Variants in ZFPM2 observed in about 807,000 individuals in gnomAD.
The protein encoded by ZFPM2 is zinc finger protein, FOG family member 2, also known as zinc finger protein ZFPM2.
Under a neutral mutation model 98.6 loss-of-function variants are expected in ZFPM2, and 20 were observed. The ratio of observed to expected loss-of-function variants is 0.20; its 90% CI spans 0.14 to 0.29. The LOEUF (loss-of-function observed/expected upper bound fraction) is 0.29. Among genes scored for constraint, ZFPM2 ranks in the 10% least tolerant of loss-of-function variants. The pLI is 1.00. For synonymous variants in ZFPM2, 518 were observed against 502.7 expected (o/e 1.03, Z -0.41); for missense variants, 1,310 against 1,388.6 (o/e 0.94, Z 0.90).
chr8:105,723,720 A>G (rs1422274750), intron 5 of ZFPM2, among the ~76,000 whole-genome samples: 1 of 151,824 alleles, frequency 6.6e-6, no homozygotes, highest in Admixed American at 6.6e-5. Flanking sequence ...AGATAAGGGC[A>G]GTCGTGATCA....
At chr8:105,773,320 A>T (rs1169633140) in intron 5 of ZFPM2, among the ~76,000 whole-genome samples, 2 of 152,120 alleles carry the variant, frequency 1.3e-5, no homozygotes, top group Non-Finnish European at 2.9e-5. Flanking sequence ...ATAATAATTC[A>T]AAATTTGCCT....
chr8:105,684,512 G>T (rs1810687490), intron 5 of ZFPM2, among the ~76,000 whole-genome samples: 2 of 152,066 alleles, frequency 1.3e-5, no homozygotes, highest in Admixed American at 6.6e-5. Flanking sequence ...CTGCAATTTG[G>T]TTGAAATTAA....
At chr8:105,625,412 A>G (rs1245707496) in intron 4 of ZFPM2, among the ~76,000 whole-genome samples, 1 of 152,076 alleles carries the variant, frequency 6.6e-6, no homozygotes, top group Non-Finnish European at 1.5e-5. Context: ...ACACACATGC[A>G]CACTTTGCAA....
intron 4 of ZFPM2, among the ~76,000 whole-genome samples, chr8:105,595,583 T>C (rs1350351375): frequency 6.6e-6 from 1 of 152,034 alleles, no homozygotes; most frequent in Non-Finnish European, 1.5e-5. Flanking sequence ...TACAAAGTCA[T>C]GAAAGCATGA....
intron 5 of ZFPM2, among the ~76,000 whole-genome samples, chr8:105,656,521 T>G (rs1319085236): frequency 1.3e-5 from 2 of 152,142 alleles, no homozygotes; most frequent in Non-Finnish European, 2.9e-5. Flanking sequence ...GCAGGAAATG[T>G]TTAAGAAAAC....
chr8:105,618,506 G>C (rs2130811592), intron 4 of ZFPM2, among the ~76,000 whole-genome samples: 1 of 152,140 alleles, frequency 6.6e-6, no homozygotes, highest in Middle Eastern at 3.4e-3. Flanking sequence ...TCATATATTA[G>C]AGCAATGTGT....
chr8:105,667,393 A>G (rs1021370390), intron 5 of ZFPM2, among the ~76,000 whole-genome samples: 4 of 152,240 alleles, frequency 2.6e-5, no homozygotes, highest in Admixed American at 6.5e-5. Context: ...CAAATGATCA[A>G]TGAATGACAC....
chr8:105,785,288 T>C (rs1461618334), intron 5 of ZFPM2: 2 of 152,144 alleles, frequency 1.3e-5, no homozygotes, highest in African/African-American at 4.8e-5. Context: ...TCATTATTTC[T>C]GTGCATACAC....
chr8:105,715,129 AG>A (rs1811488144), intron 5 of ZFPM2, among the ~76,000 whole-genome samples: 1 of 152,016 alleles, frequency 6.6e-6, no homozygotes, highest in African/African-American at 2.4e-5. Context: ...ACCAGGTACA[AG>A]GGCTCATGCC....
intron 1 of ZFPM2, among the ~76,000 whole-genome samples, chr8:105,394,463 T>A (rs529397803): frequency 6.6e-6 from 1 of 152,178 alleles, no homozygotes; most frequent in African/African-American, 2.4e-5. Context: ...ACCTGGAAAT[T>A]GAGAGTGTTT....
At chr8:105,783,192 C>T (rs1050163111) in intron 5 of ZFPM2, among the ~76,000 whole-genome samples, 27 of 147,458 alleles carry the variant, frequency 1.8e-4, no homozygotes, top group African/African-American at 6.7e-4. Context: ...AAGATCTTAT[C>T]CCTTGTGTTT....
At chr8:105,790,866 G>A (rs373760799) in intron 6 of ZFPM2, among the ~76,000 whole-genome samples, 4 of 152,070 alleles carry the variant, frequency 2.6e-5, no homozygotes, top group Non-Finnish European at 4.4e-5. Flanking sequence ...ATTGTGAATG[G>A]GAGTTCACTC....
chr8:105,673,329 CAATT>C (rs1817632432), intron 5 of ZFPM2, among the ~76,000 whole-genome samples: 1 of 149,816 alleles, frequency 6.7e-6, no homozygotes, highest in African/African-American at 2.5e-5. Context: ...TCTTAGTAAA[CAATT>C]AAATTAAAAA....
intron 5 of ZFPM2, among the ~76,000 whole-genome samples, chr8:105,752,018 GGT>G (rs1196155592): frequency 6.6e-6 from 1 of 151,994 alleles, no homozygotes; most frequent in Admixed American, 6.6e-5. Context: ...CTTTGTGTGT[GGT>G]TTTGCTCATA....
intron 1 of ZFPM2, among the ~76,000 whole-genome samples, chr8:105,358,980 G>A (rs1812802781): frequency 6.6e-6 from 1 of 152,110 alleles, no homozygotes; most frequent in Non-Finnish European, 1.5e-5. Flanking sequence ...GAGCTTGTCT[G>A]TGGAACCCCA....
At chr8:105,635,535 T>G (rs1816831025) in intron 5 of ZFPM2, among the ~76,000 whole-genome samples, 2 of 152,064 alleles carry the variant, frequency 1.3e-5, no homozygotes, top group South Asian at 2.1e-4. Flanking sequence ...CCATACCCAC[T>G]AATTTTCTAA....
chr8:105,366,560 G>A (rs901657416), intron 1 of ZFPM2, among the ~76,000 whole-genome samples: 14 of 151,254 alleles, frequency 9.3e-5, no homozygotes, highest in Non-Finnish European at 1.9e-4. Context: ...GGGTACATGT[G>A]CACATTGTGC....
At chr8:105,345,892 A>G (rs1251269322) in intron 1 of ZFPM2, among the ~76,000 whole-genome samples, 8 of 152,144 alleles carry the variant, frequency 5.3e-5, no homozygotes, top group African/African-American at 1.9e-4. Flanking sequence ...TTAAAAATCA[A>G]TTTCATTATT....
rs1812074718 is a variant in ZFPM2 at position 105,324,081 on chromosome 8, T to A, written c.40+5100T>A. ...GGTTGCTATGTGACTTGCCATATAT[T>A]AAGTTGGTATTATTAAGTTAGGAAG... On this transcript the variant is annotated intron_variant, in intron 1 of 7. Coordinates refer to ENST00000407775, the MANE Select transcript of ZFPM2 (RefSeq NM_012082.4). 2.0e-5 allele frequency among the ~76,000 whole-genome samples: 3 copies of A among 151,954 alleles called. No individual in the cohort carries two copies. In the South Asian group the frequency reaches 6.2e-4, roughly 31 times the overall value.
Sources: allele counts gnomAD v4.1 joint callset (sites outside exome capture counted in the v4.1 genomes callset), GRCh38; gene constraint gnomAD v4.1.1; transcripts MANE v1.5; gene names NCBI Gene and HGNC (gene_info 2026-07-23, HGNC 2026-07-21).